The following MYOM2 variants were observed in gnomAD, a reference collection of about 807,000 sequenced individuals.
The protein encoded by MYOM2 is myomesin-2.
In MYOM2, 254 loss-of-function variants were observed where a neutral mutation model predicts 187.6. The observed-to-expected ratio is 1.35, with a 90% CI of 1.22 to 1.50. The LOEUF (loss-of-function observed/expected upper bound fraction) is 1.50, where lower values mean the gene tolerates loss of function less well. Ranked by LOEUF, MYOM2 falls within the 40% of genes most tolerant of loss-of-function variation. MYOM2 has a pLI of 0.00. For synonymous variants in MYOM2, 981 were observed against 753.8 expected, an observed-to-expected ratio of 1.30 and a Z score of -4.94; for missense variants, 2,796 against 1,924.0, an observed-to-expected ratio of 1.45 and a Z score of -8.48.
Position 2,144,954 on chromosome 8 carries a change from C to G in MYOM2, c.4371C>G (p.Pro1457=). The G allele has an allele frequency of 1.9e-6, 3 of 1,614,136 alleles. No homozygotes were observed. The highest frequency in any genetic ancestry group is 1.7e-4 in the Middle Eastern group (1 of 6,056). Reference sequence around the variant, plus strand: ...AGCAAGCCAAGCCCAAGCTCATCCCCGCGTCTGCCTCAGCGGCAGGCCAGT... The same window carrying G: ...AGCAAGCCAAGCCCAAGCTCATCCCGGCGTCTGCCTCAGCGGCAGGCCAGT... ...PPQQAKPKLI[P]ASASAAGQ Residue 1457 remains proline (P), a synonymous_variant, in exon 37 of 37, where the codon CCC becomes CCG. Coordinates refer to ENST00000262113, the MANE Select transcript of MYOM2 (RefSeq NM_003970.4).
chr8:2,054,431 G>A (rs936918114), intron 3 of MYOM2, among the ~76,000 whole-genome samples: 6 of 152,260 alleles, frequency 3.9e-5, no homozygotes, highest in East Asian at 1.9e-4. Flanking sequence ...CAAGCCACCT[G>A]TCCCGGGGCT....
At chr8:2,144,552 T>A in intron 36 of MYOM2, 112 bp from the exon 37 acceptor site, 1 of 1,107,328 alleles carries the variant, frequency 9.0e-7, no homozygotes, top group East Asian at 2.4e-5. Context: ...AAACAAACGA[T>A]TGAAGGACCA....
intron 12 of MYOM2, 96 bp downstream of exon 12, chr8:2,079,029 C>G (rs1363015092): frequency 2.5e-6 from 3 of 1,195,234 alleles, no homozygotes; most frequent in Admixed American, 1.8e-5. Context: ...TCGATGTGAG[C>G]CCTGAGAATG....
intron 6 of MYOM2, among the ~76,000 whole-genome samples, chr8:2,068,102 T>G (rs1358227962): frequency 6.6e-6 from 1 of 152,170 alleles, no homozygotes; most frequent in Admixed American, 6.5e-5. Context: ...GAGAGCATCG[T>G]GGGCGCAGCT....
chr8:2,096,079 G>A lies in MYOM2; in HGVS notation c.2126-168G>A, dbSNP rs550408361. 3.3e-5 allele frequency among the ~76,000 whole-genome samples: 5 copies of A among 152,302 alleles called. No individual in the cohort carries two copies. In the East Asian group the frequency reaches 9.6e-4, roughly 29 times the overall value. On this transcript the variant is annotated intron_variant, in intron 17 of 36. Coordinates refer to ENST00000262113, the MANE Select transcript of MYOM2 (RefSeq NM_003970.4). ...TTGTACTCATCCCCTTTAAAAAGGT[G>A]TAAAGACCAAGGTGGTTAAGTGTGG...
At chr8:2,060,947 A>G (rs1012993418) in intron 6 of MYOM2, among the ~76,000 whole-genome samples, 1 of 151,828 alleles carries the variant, frequency 6.6e-6, no homozygotes, top group African/African-American at 2.4e-5. Flanking sequence ...CGGATGGGAA[A>G]TTACTAGGGG....
chr8:2,074,514 G>C (rs562393461), intron 10 of MYOM2, among the ~76,000 whole-genome samples: 1 of 152,132 alleles, frequency 6.6e-6, no homozygotes, highest in African/African-American at 2.4e-5. Context: ...GAGTGCAGTG[G>C]CGCGACCTCG....
At chr8:2,119,061 A>G (rs1797339045) in intron 28 of MYOM2, 1 of 152,304 alleles carries the variant, frequency 6.6e-6, no homozygotes. Flanking sequence ...TAGGGTTTTG[A>G]GAATACATTC....
At chr8:2,085,663 TCTGCGTGGCC>T (rs1819842557) in intron 14 of MYOM2, among the ~76,000 whole-genome samples, 1 of 8,642 alleles carries the variant, frequency 1.2e-4, no homozygotes, top group African/African-American at 1.2e-3. Flanking sequence ...TGTCGTGATC[TCTGCGTGGCC>T]CCACTGTCGT....
chr8:2,072,442 C>G lies in MYOM2; in HGVS notation c.891C>G (p.Leu297=). ...GGAGGGAAGGCGAGACGGTCACTCT[C>G]AAGTGCACCATGCTGGTGACGCCGG... ...TFRREGETVT[L]KCTMLVTPDL... is the part of the protein sequence containing the mutation. Residue 297 remains leucine, a synonymous_variant, in exon 9 of 37, where the codon CTC becomes CTG. Coordinates refer to ENST00000262113, the MANE Select transcript of MYOM2 (RefSeq NM_003970.4). 2 of 1,614,188 alleles carry G rather than the reference C, an allele frequency of 1.2e-6. No individual in the cohort carries two copies. Among genetic ancestry groups the G allele is most frequent in the Non-Finnish European group, 1.7e-6 (2 of 1,180,048 alleles).
At chr8:2,067,504 A>C (rs755236239) in intron 6 of MYOM2, among the ~76,000 whole-genome samples, 5 of 152,172 alleles carry the variant, frequency 3.3e-5, no homozygotes, top group Non-Finnish European at 5.9e-5. Context: ...AGGCTACTTG[A>C]GGATGAACGT....
intron 17 of MYOM2, among the ~76,000 whole-genome samples, chr8:2,095,337 G>A (rs1270185639): frequency 1.3e-5 from 2 of 150,510 alleles, no homozygotes; most frequent in African/African-American, 4.9e-5. Flanking sequence ...TGTTGCTCAG[G>A]CTGGGGTGCA....
At chr8:2,123,811 T>C (rs1453267202) in intron 30 of MYOM2, among the ~76,000 whole-genome samples, 169 bp downstream of exon 30, 1 of 152,264 alleles carries the variant, frequency 6.6e-6, no homozygotes, top group Admixed American at 6.5e-5. Flanking sequence ...TTCAGAGTTT[T>C]TTCAGTGTTT....
At chr8:2,093,457 T>A (rs1202295335) in intron 16 of MYOM2, among the ~76,000 whole-genome samples, 1 of 152,200 alleles carries the variant, frequency 6.6e-6, no homozygotes, top group Non-Finnish European at 1.5e-5. Flanking sequence ...CCTGCAATAG[T>A]GCTGTGGGGT....
chr8:2,069,799 T>C (rs1258075825), intron 8 of MYOM2, among the ~76,000 whole-genome samples: 3 of 152,354 alleles, frequency 2.0e-5, no homozygotes, highest in African/African-American at 2.4e-5. Flanking sequence ...CTAGGTGGTA[T>C]TTTTAGACTG....
chr8:2,086,884 G>A (rs1290558881), intron 14 of MYOM2, among the ~76,000 whole-genome samples: 3 of 152,088 alleles, frequency 2.0e-5, no homozygotes, highest in Non-Finnish European at 4.4e-5. Flanking sequence ...TCGTGTAGAG[G>A]AAATGCACAC....
At chr8:2,102,637 C>T (rs1284770274) in intron 20 of MYOM2, 30 bp from the exon 21 acceptor site, 2 of 1,477,100 alleles carry the variant, frequency 1.4e-6, no homozygotes, top group African/African-American at 1.4e-5. Flanking sequence ...TTTACCTCCA[C>T]ACATCTGGTG....
chr8:2,090,920 C>T (rs1048485447), intron 15 of MYOM2, among the ~76,000 whole-genome samples: 1 of 151,364 alleles, frequency 6.6e-6, no homozygotes, highest in African/African-American at 2.4e-5. Flanking sequence ...AATAGTGCTG[C>T]AATGAACATT....
intron 31 of MYOM2, among the ~76,000 whole-genome samples, chr8:2,126,468 ACT>A (rs1797640848): frequency 1.3e-5 from 2 of 151,830 alleles, no homozygotes; most frequent in African/African-American, 2.4e-5. Flanking sequence ...CACCCTACAC[ACT>A]CACACACTCA....
Sources: gnomAD v4.1 joint callset for allele counts (sites outside exome capture counted in the v4.1 genomes callset) on GRCh38, gnomAD v4.1.1 for gene constraint, MANE v1.5 for transcripts, NCBI Gene and HGNC (gene_info 2026-07-23, HGNC 2026-07-21) for gene names.